Variants in DSCAM observed in about 807,000 individuals in gnomAD.
The protein encoded by DSCAM is DS cell adhesion molecule, also known as cell adhesion molecule DSCAM.
In DSCAM, 47 loss-of-function variants were observed where a neutral mutation model predicts 217.7. The observed-to-expected ratio is 0.22, with a 90% CI of 0.17 to 0.28. The LOEUF is 0.28. Ranked by LOEUF, DSCAM falls within the 10% of genes least tolerant of loss-of-function variation. The pLI is 1.00. For synonymous variants in DSCAM, 1,056 were observed against 1,015.3 expected (o/e 1.04, Z -0.76); for missense variants, 2,080 against 2,618.3 (o/e 0.79, Z 4.49).
chr21:40,453,854 G>A lies in DSCAM; in HGVS notation c.509-84609C>T, dbSNP rs116107871. ...TAGTCACTAACAAGACTAAAAGGAAGTAAGAGCCTTGGCCCTTGAATCAGC... is the reference window on the plus strand; with the variant it reads ...TAGTCACTAACAAGACTAAAAGGAAATAAGAGCCTTGGCCCTTGAATCAGC... On this transcript the variant is annotated intron_variant, in intron 3 of 32. Coordinates refer to ENST00000400454, the MANE Select transcript of DSCAM (RefSeq NM_001389.5). Among the ~76,000 whole-genome samples the A allele has an allele frequency of 2.4e-3, 373 of 152,338 alleles. 1 individual carries two copies. The highest frequency in any genetic ancestry group is 8.6e-3 in the African/African-American group (357 of 41,572).
intron 14 of DSCAM, among the ~76,000 whole-genome samples, chr21:40,181,284 C>T (rs765507930): frequency 1.5e-4 from 23 of 152,152 alleles, no homozygotes; most frequent in South Asian, 2.1e-4. Context: ...CATTTTCAAA[C>T]GTGACTTCTG....
At chr21:40,835,454 C>T (rs183658938) in intron 1 of DSCAM, among the ~76,000 whole-genome samples, 1 of 152,174 alleles carries the variant, frequency 6.6e-6, no homozygotes, top group Admixed American at 6.5e-5. Context: ...GTATAGGAAA[C>T]TATTATTGTA....
intron 3 of DSCAM, among the ~76,000 whole-genome samples, chr21:40,528,162 A>C (rs1019528525): frequency 2.0e-5 from 3 of 152,216 alleles, no homozygotes; most frequent in Non-Finnish European, 4.4e-5. Flanking sequence ...CCATGACATA[A>C]GCACAGCCAT....
chr21:40,216,873 C>A (rs1180454799), intron 11 of DSCAM, among the ~76,000 whole-genome samples: 3 of 152,232 alleles, frequency 2.0e-5, no homozygotes, highest in African/African-American at 4.8e-5. Flanking sequence ...GGCTAAGTGA[C>A]CAATGTCTTT....
intron 1 of DSCAM, among the ~76,000 whole-genome samples, chr21:40,798,779 A>T (rs2091713878): frequency 6.6e-6 from 1 of 152,166 alleles, no homozygotes; most frequent in Non-Finnish European, 1.5e-5. Flanking sequence ...TTGTAGAACT[A>T]CAAGAGTTGC....
rs957244597 is a variant in DSCAM, at chr21:40,361,572, T to G, written c.655+7527A>C. ...AGGCAGAGATCGAAGTGAGCTGAGATTGTACCACTGCACTCCAGTGTGGCA... is the reference window on the plus strand; with the variant it reads ...AGGCAGAGATCGAAGTGAGCTGAGAGTGTACCACTGCACTCCAGTGTGGCA... On this transcript the variant is annotated intron_variant, in intron 4 of 32. Coordinates refer to ENST00000400454, the MANE Select transcript of DSCAM (RefSeq NM_001389.5). Among the ~76,000 whole-genome samples the G allele has an allele frequency of 3.3e-5, 5 of 152,220 alleles. No homozygotes were observed. In the East Asian group the frequency reaches 9.7e-4, roughly 29 times the overall value.
At chr21:40,147,571 G>T (rs1243693263) in intron 16 of DSCAM, among the ~76,000 whole-genome samples, 1 of 152,126 alleles carries the variant, frequency 6.6e-6, no homozygotes, top group Admixed American at 6.5e-5. Flanking sequence ...GCAAAATATT[G>T]TGTGGAATAA....
At chr21:40,098,152 T>G (rs2089706994) in intron 20 of DSCAM, among the ~76,000 whole-genome samples, 1 of 152,056 alleles carries the variant, frequency 6.6e-6, no homozygotes, top group Admixed American at 6.6e-5. Context: ...CAAAGGATAT[T>G]ACCAGTAATA....
At position 40,112,590 on chromosome 21, in the gene DSCAM, G is replaced by A. The variant is rs560923979; in HGVS notation, c.3696+11605C>T. Among the ~76,000 whole-genome samples the A allele has an allele frequency of 2.6e-5, 4 of 152,200 alleles. No individual in the cohort carries two copies. In the South Asian group the frequency reaches 6.2e-4, roughly 24 times the overall value. On this transcript the variant is annotated intron_variant, in intron 20 of 32. Transcript: ENST00000400454. The stretch of plus-strand genomic sequence containing the variant: ...TCAGAGCAGAACTGAATGAAATAGA[G>A]AAACAAAAAACCCTTGAAAAAATCA...
chr21:40,182,669 CA>C (rs869196244), intron 14 of DSCAM, among the ~76,000 whole-genome samples: 583 of 17,626 alleles, frequency 0.033, 25 homozygotes, highest in Non-Finnish European at 0.045. Flanking sequence ...AAACCGTGGA[CA>C]GGGGGGGGTT....
intron 3 of DSCAM, among the ~76,000 whole-genome samples, chr21:40,638,197 ATTC>A (rs1372468659): frequency 6.6e-6 from 1 of 152,100 alleles, no homozygotes; most frequent in African/African-American, 2.4e-5. Context: ...ATCAAGGGAG[ATTC>A]TTTTTTCTGT....
chr21:40,426,593 T>C (rs1248702135), intron 3 of DSCAM, among the ~76,000 whole-genome samples: 1 of 152,202 alleles, frequency 6.6e-6, no homozygotes, highest in Non-Finnish European at 1.5e-5. Flanking sequence ...ATTTTGTTTT[T>C]AGATGTCAAT....
chr21:40,565,542 T>C (rs889406093), intron 3 of DSCAM, among the ~76,000 whole-genome samples: 6 of 152,186 alleles, frequency 3.9e-5, no homozygotes, highest in Non-Finnish European at 7.3e-5. Flanking sequence ...CACACTTACA[T>C]TGGAATTAAT....
Position 40,116,260 on chromosome 21 carries a change from T to C in DSCAM, c.3696+7935A>G, listed in dbSNP as rs1046216161. On this transcript the variant is annotated intron_variant, in intron 20 of 32. Coordinates refer to ENST00000400454, the MANE Select transcript of DSCAM (RefSeq NM_001389.5). ...ATGAAATAATCTGTAAAACAAACTT[T>C]TGTGACACAAGTTTACCTATATAAG... 3.9e-5 allele frequency among the ~76,000 whole-genome samples: 6 copies of C among 152,104 alleles called. 1 individual carries two copies. The highest frequency in any genetic ancestry group is 1.4e-4 in the African/African-American group (6 of 41,408).
At chr21:40,432,152 G>A (rs529096247) in intron 3 of DSCAM, among the ~76,000 whole-genome samples, 141 of 152,156 alleles carry the variant, frequency 9.3e-4, no homozygotes, top group Non-Finnish European at 1.2e-3. Context: ...AGCCGAGATC[G>A]TGCCATTGCA....
At chr21:40,712,877 T>C (rs1241927457) in intron 1 of DSCAM, among the ~76,000 whole-genome samples, 1 of 152,018 alleles carries the variant, frequency 6.6e-6, no homozygotes, top group South Asian at 2.1e-4. Context: ...GGTCCTGATA[T>C]AGAGAGATGC....
At chr21:40,282,835 G>C (rs2073780955) in intron 10 of DSCAM, among the ~76,000 whole-genome samples, 1 of 152,078 alleles carries the variant, frequency 6.6e-6, no homozygotes, top group Non-Finnish European at 1.5e-5. Flanking sequence ...ACAATGCTAA[G>C]TCGTCTCAAT....
intron 3 of DSCAM, among the ~76,000 whole-genome samples, chr21:40,379,224 C>T (rs1267154887): frequency 6.6e-6 from 1 of 152,180 alleles, no homozygotes; most frequent in Non-Finnish European, 1.5e-5. Context: ...TCATTTCCCA[C>T]TGTCACGTAT....
In DSCAM at chr21:40,075,295, C is replaced by T. The variant is rs954474802; in HGVS notation, c.4712-82G>A. 3.9e-5 allele frequency: 57 copies of T among 1,480,170 alleles called. No individual in the cohort carries two copies. In the East Asian group the frequency reaches 5.3e-4, roughly 14 times the overall value. The allele number at this position is 1,480,170 out of a possible 1,614,324, so 91.7% of individuals were successfully genotyped here. ...TTTAGGGATGACAGGTTATAAAAAT[C>T]GCGCTGTGTGATCCAAGGGTGTTGG... On this transcript the variant is annotated intron_variant, in intron 26 of 32. Transcript: ENST00000400454.
Sources: gnomAD v4.1 joint callset for allele counts (sites outside exome capture counted in the v4.1 genomes callset) on GRCh38, gnomAD v4.1.1 for gene constraint, MANE v1.5 for transcripts, NCBI Gene and HGNC (gene_info 2026-07-23, HGNC 2026-07-21) for gene names.